RHEX: variants seen among roughly 807,000 people sequenced by gnomAD.
RHEX encodes the protein regulator of hemoglobinization and erythroid cell expansion.
Under a neutral mutation model 20.1 loss-of-function variants are expected in RHEX, and 18 were observed. That is an observed-to-expected ratio of 0.90 (90% confidence interval 0.62 to 1.33). The LOEUF is 1.33. Among genes scored for constraint, RHEX ranks in the 40% most tolerant of loss-of-function variants. The pLI, the probability that RHEX is intolerant of heterozygous loss-of-function variation, is 0.00. For synonymous variants in RHEX, 87 were observed against 77.1 expected (o/e 1.13, Z -0.67); for missense variants, 192 against 214.3 (o/e 0.90, Z 0.65).
chr1:206,072,606 C>G (rs1054676942), intron 1 of RHEX, among the ~76,000 whole-genome samples: 3 of 152,094 alleles, frequency 2.0e-5, no homozygotes, highest in African/African-American at 7.2e-5. Flanking sequence ...GTGTTTTAGG[C>G]TTTGTAAAAA....
At chr1:206,088,421 A>G (rs1553286625) in intron 1 of RHEX, among the ~76,000 whole-genome samples, 1 of 152,178 alleles carries the variant, frequency 6.6e-6, no homozygotes, top group African/African-American at 2.4e-5. Flanking sequence ...AGTGGCTCAC[A>G]CCTGTAATCC....
intron 1 of RHEX, among the ~76,000 whole-genome samples, chr1:206,092,098 CT>C (rs1387377654): frequency 1.4e-5 from 2 of 146,544 alleles, no homozygotes; most frequent in Non-Finnish European, 3.0e-5. Flanking sequence ...TCTTTCTTTT[CT>C]TTTTAATAGA....
At chr1:206,099,904 A>G in intron 4 of RHEX, 106 bp downstream of exon 4, 1 of 1,026,578 alleles carries the variant, frequency 9.7e-7, no homozygotes, top group Non-Finnish European at 1.5e-6. Flanking sequence ...CTCTAGCCTG[A>G]GGATTCCTCA....
intron 3 of RHEX, among the ~76,000 whole-genome samples, chr1:206,099,074 G>C (rs549245994): frequency 6.6e-6 from 1 of 152,314 alleles, no homozygotes; most frequent in East Asian, 1.9e-4. Flanking sequence ...GCACATGCTA[G>C]CAAGAGCAAA....
intron 1 of RHEX, chr1:206,080,453 G>C (rs1164860653): frequency 2.6e-5 from 4 of 152,216 alleles, no homozygotes; most frequent in Non-Finnish European, 5.9e-5. Context: ...AAATGTAGGA[G>C]ACTTTATGCA....
rs183307332 is a variant in RHEX, at chr1:206,057,485, G to A, written c.-97+4220G>A. Among the ~76,000 whole-genome samples the A allele has an allele frequency of 2.0e-3, 301 of 152,366 alleles. 1 individual carries two copies. Among genetic ancestry groups the A allele is most frequent in the Non-Finnish European group, 3.5e-3 (238 of 68,030 alleles). On this transcript the variant is annotated intron_variant, in intron 1 of 5. Coordinates refer to ENST00000331555, the MANE Select transcript of RHEX (RefSeq NM_001007544.4). ...ACCACAAAAACAGTTACATGGTGGA[G>A]TTCCAATTACACAGAAAAAAATCCA... is the stretch of plus-strand genomic sequence containing the variant.
chr1:206,088,295 T>G (rs1662877363), intron 1 of RHEX, among the ~76,000 whole-genome samples: 1 of 152,208 alleles, frequency 6.6e-6, no homozygotes, highest in South Asian at 2.1e-4. Flanking sequence ...TCCCTCCATA[T>G]GAATAAAGTG....
intron 1 of RHEX, chr1:206,056,323 G>A (rs1364487987): frequency 1.3e-5 from 2 of 152,478 alleles, no homozygotes; most frequent in East Asian, 3.8e-4. Context: ...CCCGGAAGCT[G>A]ACTGGTCCAC....
intron 3 of RHEX, 172 bp downstream of exon 3, chr1:206,098,353 G>A (rs1193081500): frequency 1.7e-6 from 1 of 597,224 alleles, no homozygotes; most frequent in Non-Finnish European, 3.0e-6. Context: ...CTGTATCTGG[G>A]TAATCCCCAC....
rs868956619 is a variant in RHEX, at chr1:206,072,994, T to C, written c.-97+19729T>C. Among the ~76,000 whole-genome samples the C allele has an allele frequency of 1.1e-4, 16 of 151,940 alleles. No individual in the cohort carries two copies. The Middle Eastern group carries it at 0.017, about 162-fold the overall frequency. ...CTGGGACTATAAGCGTGCACTACCA[T>C]GGGCAGCTAAGTTTTGTATTTTTGG... On this transcript the variant is annotated intron_variant, in intron 1 of 5. Coordinates refer to ENST00000331555, the MANE Select transcript of RHEX (RefSeq NM_001007544.4).
At chr1:206,077,828 C>T (rs28782261) in intron 1 of RHEX, among the ~76,000 whole-genome samples, 19,259 of 152,104 alleles carry the variant, frequency 0.13, 1,338 homozygotes, top group South Asian at 0.2. Context: ...GTTTTCTCAC[C>T]GTATTAAGGG....
intron 1 of RHEX, among the ~76,000 whole-genome samples, chr1:206,077,065 A>G (rs1462054627): frequency 6.6e-6 from 1 of 152,216 alleles, no homozygotes; most frequent in African/African-American, 2.4e-5. Context: ...CATGGTGTAT[A>G]CATGCATCGT....
chr1:206,100,352 G>A (rs1663163639), intron 4 of RHEX, among the ~76,000 whole-genome samples: 1 of 152,204 alleles, frequency 6.6e-6, no homozygotes, highest in Non-Finnish European at 1.5e-5. Flanking sequence ...CAGTGGAAGT[G>A]GCTGCTTTGG....
intron 1 of RHEX, among the ~76,000 whole-genome samples, chr1:206,096,787 T>TTTTTTTTTTG (rs1663081065): frequency 6.7e-6 from 1 of 149,182 alleles, no homozygotes; most frequent in African/African-American, 2.4e-5. Flanking sequence ...TTTGGTTTTT[T>TTTTTTTTTTG]TTTTTGAGAC....
chr1:206,057,579 C>T (rs1662217714), intron 1 of RHEX, among the ~76,000 whole-genome samples: 1 of 152,244 alleles, frequency 6.6e-6, no homozygotes, highest in African/African-American at 2.4e-5. Flanking sequence ...GGACGGCCCC[C>T]ACTGGGTTAT....
intron 1 of RHEX, among the ~76,000 whole-genome samples, chr1:206,097,109 T>C (rs573936007): frequency 6.6e-6 from 1 of 152,262 alleles, no homozygotes; most frequent in Non-Finnish European, 1.5e-5. Flanking sequence ...ATTGTGGAGT[T>C]TGCTGATCAT....
At chr1:206,057,102 T>G (rs542617193) in intron 1 of RHEX, among the ~76,000 whole-genome samples, 1 of 152,356 alleles carries the variant, frequency 6.6e-6, no homozygotes, top group African/African-American at 2.4e-5. Context: ...TCAAAAACGT[T>G]CTCCAGAACC....
intron 1 of RHEX, among the ~76,000 whole-genome samples, chr1:206,085,641 G>A (rs1662823979): frequency 6.6e-6 from 1 of 152,136 alleles, no homozygotes; most frequent in South Asian, 2.1e-4. Flanking sequence ...AATTGGCAGT[G>A]CTTGCACCTA....
rs575201793 is a variant in RHEX, at chr1:206,092,986, C to T, written c.-96-4747C>T. Among the ~76,000 whole-genome samples, 3 of 152,320 alleles carry T rather than the reference C, an allele frequency of 2.0e-5. No homozygotes were observed. In the East Asian group the frequency reaches 5.8e-4, roughly 29 times the overall value. On this transcript the variant is annotated intron_variant, in intron 1 of 5. Coordinates refer to ENST00000331555, the MANE Select transcript of RHEX (RefSeq NM_001007544.4). Reference sequence around the variant, plus strand: ...AGGGCTGAAAAGAGCCTTAGGAGTACTTTGCCAAGCTCCCTAATTCACCAG... The same window carrying T: ...AGGGCTGAAAAGAGCCTTAGGAGTATTTTGCCAAGCTCCCTAATTCACCAG...
Sources: gnomAD v4.1 joint callset for allele counts (sites outside exome capture counted in the v4.1 genomes callset) on GRCh38, gnomAD v4.1.1 for gene constraint, MANE v1.5 for transcripts, NCBI Gene and HGNC (gene_info 2026-07-23, HGNC 2026-07-21) for gene names.